CCDC171: variants seen among roughly 807,000 people sequenced by gnomAD.
CCDC171 encodes coiled-coil domain-containing protein 171.
In CCDC171, 177 loss-of-function variants were observed where a neutral mutation model predicts 168.2. The observed-to-expected ratio is 1.05, with a 90% CI of 0.93 to 1.19. The LOEUF (loss-of-function observed/expected upper bound fraction) is 1.19, where lower values mean the gene tolerates loss of function less well. CCDC171 is among the 50% of genes most tolerant of loss of function. The pLI is 0.00. For synonymous variants in CCDC171, 687 were observed against 540.8 expected (o/e 1.27, Z -3.75); for missense variants, 1,991 against 1,539.0 (o/e 1.29, Z -4.91).
At chr9:15,857,911 A>G (rs1272295849) in intron 23 of CCDC171, among the ~76,000 whole-genome samples, 1 of 151,594 alleles carries the variant, frequency 6.6e-6, no homozygotes, top group Non-Finnish European at 1.5e-5. Context: ...CCAATACCAT[A>G]CTGTTTTAAT....
chr9:15,700,597 C>G (rs1314874868), intron 11 of CCDC171, among the ~76,000 whole-genome samples: 1 of 152,214 alleles, frequency 6.6e-6, no homozygotes, highest in Non-Finnish European at 1.5e-5. Context: ...AGCACGCTGT[C>G]ACCTCTCAAT....
intron 24 of CCDC171, among the ~76,000 whole-genome samples, chr9:15,906,719 G>T: frequency 6.6e-6 from 1 of 152,148 alleles, no homozygotes; most frequent in African/African-American, 2.4e-5. Flanking sequence ...ATGAGGAAAA[G>T]AGGAAGTCAA....
chr9:15,749,056 T>C (rs2055515080), intron 18 of CCDC171, among the ~76,000 whole-genome samples: 1 of 151,950 alleles, frequency 6.6e-6, no homozygotes, highest in Non-Finnish European at 1.5e-5. Flanking sequence ...ATTGGTGTGC[T>C]GTATTCAGGA....
chr9:15,597,541 G>A (rs1418416992), intron 6 of CCDC171, among the ~76,000 whole-genome samples: 1 of 152,140 alleles, frequency 6.6e-6, no homozygotes, highest in Non-Finnish European at 1.5e-5. Flanking sequence ...GCTGGATTCA[G>A]TTTGCCAGTA....
At chr9:16,064,632 G>C (rs1365075932), downstream of CCDC171, among the ~76,000 whole-genome samples, 6 of 152,276 alleles carry the variant, frequency 3.9e-5, no homozygotes, top group East Asian at 9.7e-4. Context: ...TGTCTTCACT[G>C]TCATGAAGAG....
intron 3 of CCDC171, among the ~76,000 whole-genome samples, chr9:15,990,944 C>G (rs975515438): frequency 2.0e-5 from 3 of 152,158 alleles, no homozygotes; most frequent in African/African-American, 4.8e-5. Context: ...TAGAGACCTA[C>G]AAAGAGACTT....
chr9:16,041,019 C>T (rs1044140110), upstream of CCDC171, among the ~76,000 whole-genome samples: 11 of 151,540 alleles, frequency 7.3e-5, no homozygotes, highest in Non-Finnish European at 1.5e-4. Flanking sequence ...TAATGAGCAG[C>T]TACTGTGTGT....
At chr9:15,971,518 A>T in intron 25 of CCDC171, 91 bp from the exon 26 acceptor site, 1 of 727,556 alleles carries the variant, frequency 1.4e-6, no homozygotes, top group Admixed American at 2.3e-5. Flanking sequence ...TATTATAATG[A>T]TTATTAGTCT....
intron 25 of CCDC171, among the ~76,000 whole-genome samples, chr9:15,959,228 T>C (rs1023758889): frequency 1.3e-5 from 2 of 152,170 alleles, no homozygotes; most frequent in Admixed American, 1.3e-4. Context: ...TAACTAAAGG[T>C]GGCATATCTC....
intron 21 of CCDC171, among the ~76,000 whole-genome samples, chr9:15,800,363 A>G (rs2058761492): frequency 6.6e-6 from 1 of 152,134 alleles, no homozygotes; most frequent in South Asian, 2.1e-4. Flanking sequence ...TCTGATGATC[A>G]ATGATGTTGA....
chr9:15,741,120 T>C (rs977421820), intron 16 of CCDC171, among the ~76,000 whole-genome samples: 3 of 152,214 alleles, frequency 2.0e-5, no homozygotes, highest in Non-Finnish European at 2.9e-5. Context: ...ATATTTTAAA[T>C]TGTGGTAAAA....
intron 16 of CCDC171, among the ~76,000 whole-genome samples, chr9:15,741,272 G>A (rs1170205661): frequency 5.9e-5 from 9 of 152,098 alleles, no homozygotes; most frequent in Admixed American, 2.6e-4. Context: ...CCCTGAACTC[G>A]TTAAGCAGTC....
chr9:15,569,846 C>A (rs147135175), intron 2 of CCDC171, among the ~76,000 whole-genome samples: 199 of 139,784 alleles, frequency 1.4e-3, no homozygotes, highest in Middle Eastern at 3.7e-3. Flanking sequence ...AACAAACAAA[C>A]AAAAAAAAAA....
At chr9:15,878,411 A>G (rs953467267) in intron 24 of CCDC171, among the ~76,000 whole-genome samples, 2 of 152,208 alleles carry the variant, frequency 1.3e-5, no homozygotes, top group Non-Finnish European at 2.9e-5. Flanking sequence ...AGAAATGCCA[A>G]TCAAAACCAC....
intron 4 of CCDC171, among the ~76,000 whole-genome samples, chr9:15,587,007 C>G (rs2041615267): frequency 6.6e-6 from 1 of 152,088 alleles, no homozygotes; most frequent in Non-Finnish European, 1.5e-5. Flanking sequence ...GAGACTAGGT[C>G]TTGCCATGTT....
At chr9:15,992,697 A>G (rs1179451060) in intron 3 of CCDC171, among the ~76,000 whole-genome samples, 1 of 152,206 alleles carries the variant, frequency 6.6e-6, no homozygotes, top group African/African-American at 2.4e-5. Flanking sequence ...AGAAAACCCC[A>G]TTGTCTCAGT....
chr9:15,704,311 C>T (rs533678974), intron 11 of CCDC171, among the ~76,000 whole-genome samples: 2 of 152,264 alleles, frequency 1.3e-5, no homozygotes, highest in Middle Eastern at 6.8e-3. Flanking sequence ...TTACTTGAGC[C>T]TAGGAGTTCA....
chr9:15,793,064 G>A (rs2058352106), intron 21 of CCDC171, among the ~76,000 whole-genome samples: 2 of 152,124 alleles, frequency 1.3e-5, no homozygotes, highest in Non-Finnish European at 2.9e-5. Context: ...TCAGTGTGCT[G>A]TATTCAGGAA....
intron 25 of CCDC171, among the ~76,000 whole-genome samples, chr9:15,944,866 T>C (rs1339067741): frequency 6.6e-6 from 1 of 151,184 alleles, no homozygotes; most frequent in East Asian, 2.0e-4. Context: ...CTTTCTTTCT[T>C]TCTTTCTTTC....
Sources: allele counts gnomAD v4.1 joint callset (sites outside exome capture counted in the v4.1 genomes callset), GRCh38; gene constraint gnomAD v4.1.1; transcripts MANE v1.5; gene names NCBI Gene and HGNC (gene_info 2026-07-23, HGNC 2026-07-21).